Variants in PSMG2 observed in about 807,000 individuals in gnomAD.
PSMG2 encodes the protein proteasome assembly chaperone 2, also known as CD40 ligand-activated specific transcript 3.
Under a neutral mutation model 31.5 loss-of-function variants are expected in PSMG2, and 21 were observed. The observed-to-expected ratio is 0.67, with a 90% CI of 0.47 to 0.96. PSMG2 has a LOEUF of 0.96. PSMG2 is among the 40% of genes least tolerant of loss of function. The pLI is 0.00. For synonymous variants in PSMG2, 120 were observed against 110.4 expected (o/e 1.09, Z -0.54); for missense variants, 318 against 321.2 (o/e 0.99, Z 0.08).
At position 12,679,864 on chromosome 18, in the gene PSMG2, A is replaced by G. The variant is rs530582493; in HGVS notation, c.-37+21091A>G. ...GACTGCTTGAGCCCAGGAGTTCAAG[A>G]CCAGCCTAGACAACACAGCAAAAGC... On this transcript the variant is annotated intron_variant, in intron 1 of 6. Coordinates refer to the PSMG2 transcript ENST00000585331. Among the ~76,000 whole-genome samples the G allele has an allele frequency of 3.3e-5, 5 of 152,150 alleles. No individual in the cohort carries two copies. The South Asian group carries it at 6.2e-4, about 19-fold the overall frequency.
intron 1 of PSMG2, among the ~76,000 whole-genome samples, chr18:12,682,339 A>G (rs901026852): frequency 6.6e-6 from 1 of 152,030 alleles, no homozygotes; most frequent in African/African-American, 2.4e-5. Flanking sequence ...ACAGGCACTC[A>G]TCACCAGGCC....
At chr18:12,696,495 C>T (rs558715469) in intron 1 of PSMG2, among the ~76,000 whole-genome samples, 1 of 148,066 alleles carries the variant, frequency 6.8e-6, no homozygotes, top group Non-Finnish European at 1.5e-5. Flanking sequence ...GAGCGAGACT[C>T]CATCTCAAAT....
chr18:12,697,946 CTT>C (rs2040012893), intron 1 of PSMG2, among the ~76,000 whole-genome samples: 2 of 152,132 alleles, frequency 1.3e-5, no homozygotes, highest in African/African-American at 4.8e-5. Context: ...CATTCTGAAA[CTT>C]TGCTTAGTTT....
intron 1 of PSMG2, among the ~76,000 whole-genome samples, chr18:12,659,632 T>C (rs552297431): frequency 1.3e-5 from 2 of 152,204 alleles, no homozygotes; most frequent in East Asian, 3.9e-4. Context: ...ATCACACCAC[T>C]GCACTCCAGC....
In PSMG2 at chr18:12,725,590, C is replaced by A. The variant is rs11537901; in HGVS notation, c.*59C>A. The A allele has an allele frequency of 1.6e-6, 2 of 1,278,848 alleles. No individual in the cohort carries two copies. Among genetic ancestry groups the A allele is most frequent in the Non-Finnish European group, 2.2e-6 (2 of 913,596 alleles). The allele number at this position is 1,278,848 out of a possible 1,614,324, so 79.2% of individuals were successfully genotyped here. A position where few individuals can be genotyped will look rare whatever the true frequency, so the allele number is the denominator to read the frequency against. On this transcript the variant is annotated 3_prime_UTR_variant, in exon 7 of 7. Coordinates refer to ENST00000317615, the MANE Select transcript of PSMG2 (RefSeq NM_020232.5). The stretch of plus-strand genomic sequence containing the variant: ...ACTTACTACCAACACAGCTGTTAAA[C>A]ATTCTATACAAAAAAATTGTATGAT...
At chr18:12,718,328 ATT>A (rs2040397781) in intron 3 of PSMG2, among the ~76,000 whole-genome samples, 187 bp from the exon 4 acceptor site, 3 of 152,194 alleles carry the variant, frequency 2.0e-5, no homozygotes, top group Non-Finnish European at 4.4e-5. Context: ...ATAAAGATAC[ATT>A]AGATAATTCA....
At chr18:12,723,200 TGTCA>T (rs1386220432) in intron 5 of PSMG2, among the ~76,000 whole-genome samples, 1 of 152,200 alleles carries the variant, frequency 6.6e-6, no homozygotes, top group Non-Finnish European at 1.5e-5. Context: ...CTCTCTTCTC[TGTCA>T]GTCTCGTGCT....
intron 1 of PSMG2, chr18:12,673,335 A>C: frequency 6.4e-7 from 1 of 1,572,064 alleles, no homozygotes; most frequent in South Asian, 1.2e-5. Flanking sequence ...CCAATTAAAC[A>C]CAGGTATAAA....
At chr18:12,711,303 G>C (rs1341644855) in intron 2 of PSMG2, among the ~76,000 whole-genome samples, 2 of 152,038 alleles carry the variant, frequency 1.3e-5, no homozygotes, top group Non-Finnish European at 2.9e-5. Context: ...ACGCTGATGA[G>C]GAGAGTATTG....
chr18:12,701,900 G>A (rs565097722), upstream of PSMG2, among the ~76,000 whole-genome samples: 8 of 152,308 alleles, frequency 5.3e-5, no homozygotes, highest in South Asian at 8.3e-4. Context: ...GGAGGCCGAG[G>A]CGGCCGGATC....
At position 12,691,515 on chromosome 18, in the gene PSMG2, TTTCTA is replaced by T. The variant is rs772127843; in HGVS notation, c.-36-15031_-36-15027del. The T allele has an allele frequency of 3.9e-6, 6 of 1,526,168 alleles. No homozygotes were observed. The Admixed American group carries it at 1.2e-4, about 29-fold the overall frequency. The allele number at this position is 1,526,168 out of a possible 1,614,324, so 94.5% of individuals were successfully genotyped here. A position where few individuals can be genotyped will look rare whatever the true frequency, so the allele number is the denominator to read the frequency against. On this transcript the variant is annotated intron_variant, in intron 1 of 6. Coordinates refer to the PSMG2 transcript ENST00000585331. ...TGAAATTGAAAAAAATATTTTTCAA[TTTCTA>T]TTCATTATCTTTAATTACTACAAAA...
upstream of PSMG2, chr18:12,702,658 G>A: frequency 2.3e-6 from 3 of 1,280,058 alleles, no homozygotes; most frequent in Non-Finnish European, 2.1e-6. Flanking sequence ...AAGCGCCGCA[G>A]CCGTTCGCCT....
intron 1 of PSMG2, among the ~76,000 whole-genome samples, chr18:12,669,255 G>A (rs1214087730): frequency 6.6e-6 from 1 of 151,798 alleles, no homozygotes; most frequent in East Asian, 1.9e-4. Context: ...TGGGAATACA[G>A]GCATGCGCCA....
chr18:12,704,967 A>C (rs993365248), intron 1 of PSMG2, among the ~76,000 whole-genome samples: 1 of 152,366 alleles, frequency 6.6e-6, no homozygotes, highest in East Asian at 1.9e-4. Context: ...GCTACATTAA[A>C]AGGATACTTG....
chr18:12,720,195 C>G (rs2040417470), intron 4 of PSMG2, among the ~76,000 whole-genome samples: 1 of 152,140 alleles, frequency 6.6e-6, no homozygotes, highest in Admixed American at 6.6e-5. Context: ...TGAAAAAATA[C>G]CAACAAGCCA....
chr18:12,667,477 T>C (rs1296726613), intron 1 of PSMG2, among the ~76,000 whole-genome samples: 1 of 151,932 alleles, frequency 6.6e-6, no homozygotes, highest in Non-Finnish European at 1.5e-5. Context: ...AAATATAATA[T>C]TCGGCCAGGC....
upstream of PSMG2, chr18:12,702,513 C>T (rs2040195268): frequency 6.2e-7 from 1 of 1,610,080 alleles, no homozygotes; most frequent in Non-Finnish European, 8.5e-7. Context: ...GGATGAGCTG[C>T]TTCAGCTCGG....
intron 6 of PSMG2, among the ~76,000 whole-genome samples, chr18:12,725,141 C>A (rs575564156): frequency 7.9e-5 from 12 of 152,202 alleles, no homozygotes; most frequent in African/African-American, 2.9e-4. Flanking sequence ...TTGCCAAGAA[C>A]AAATTGATAC....
rs779332918 is a variant in PSMG2 at position 12,724,557 on chromosome 18, A to G, written c.640A>G (p.Ile214Val). 1 of 1,611,304 alleles carries G rather than the reference A, an allele frequency of 6.2e-7. No homozygotes were observed. The highest frequency in any genetic ancestry group is 1.1e-5 in the South Asian group (1 of 90,418). The change falls in exon 6 of 7, where the codon ATC (isoleucine) becomes GTC (valine). Residue 214 changes from isoleucine to valine, a missense_variant. Transcript: ENST00000317615. ...GAAATTTGTTTCAGAAGGGGACAAC[A>G]TCCCAGATGCATTAGGTCTTGTTGA... ...LLKFVSEGDN[I>V]PDALGLVEYL...
Sources: gnomAD v4.1 joint callset for allele counts (sites outside exome capture counted in the v4.1 genomes callset) on GRCh38, gnomAD v4.1.1 for gene constraint, MANE v1.5 for transcripts, NCBI Gene and HGNC (gene_info 2026-07-23, HGNC 2026-07-21) for gene names.